PDK1: variants seen among roughly 807,000 people sequenced by gnomAD.
The protein encoded by PDK1 is [Pyruvate dehydrogenase (acetyl-transferring)] kinase isozyme 1, mitochondrial.
PDK1 carries 39 observed loss-of-function variants against 54.2 expected under a neutral mutation model. That is an observed-to-expected ratio of 0.72 (90% CI 0.56 to 0.94). The LOEUF (loss-of-function observed/expected upper bound fraction) is 0.94. PDK1 is among the 40% of genes least tolerant of loss of function. The pLI, the probability that PDK1 is intolerant of heterozygous loss-of-function variation, is 0.00. For missense variants in PDK1, 552 were observed against 566.0 expected, an observed-to-expected ratio of 0.98 and a Z score of 0.25; for synonymous variants, 221 against 207.1, an observed-to-expected ratio of 1.07 and a Z score of -0.58.
At chr2:172,653,595 C>A in the PDK1 span, among the ~76,000 whole-genome samples, 1 of 137,992 alleles carries the variant, frequency 7.2e-6, no homozygotes, top group Non-Finnish European at 1.5e-5. Context: ...AAGAGCGAGA[C>A]TCCATCTCAA....
chr2:172,720,973 A>C, the PDK1 span, among the ~76,000 whole-genome samples: 4 of 152,156 alleles, frequency 2.6e-5, no homozygotes, highest in African/African-American at 9.7e-5. Flanking sequence ...GAAATCTGTG[A>C]AGACGATCTT....
the PDK1 span, among the ~76,000 whole-genome samples, chr2:172,693,122 C>A: frequency 6.6e-6 from 1 of 152,228 alleles, no homozygotes; most frequent in Non-Finnish European, 1.5e-5. Flanking sequence ...TCCCTTGCAC[C>A]AAGTTCTGCT....
chr2:172,650,386 C>A, the PDK1 span, among the ~76,000 whole-genome samples: 2 of 152,162 alleles, frequency 1.3e-5, no homozygotes, highest in East Asian at 3.8e-4. Context: ...AACATGCCAA[C>A]TTGTAAAGAC....
chr2:172,562,554 G>C (rs1225097335), intron 3 of PDK1, among the ~76,000 whole-genome samples: 2 of 152,214 alleles, frequency 1.3e-5, no homozygotes, highest in African/African-American at 4.8e-5. Context: ...TGTTCACCTG[G>C]AGGGTGCATG....
At chr2:172,680,129 C>T in the PDK1 span, among the ~76,000 whole-genome samples, 1 of 152,168 alleles carries the variant, frequency 6.6e-6, no homozygotes, top group Admixed American at 6.5e-5. Flanking sequence ...ATACCAAATT[C>T]CAGCCAGGTG....
the PDK1 span, among the ~76,000 whole-genome samples, chr2:172,635,273 T>G: frequency 4.1e-4 from 63 of 152,322 alleles, no homozygotes; most frequent in South Asian, 0.013. Flanking sequence ...GATTCTGTAT[T>G]TGTCTGGCAT....
the PDK1 span, among the ~76,000 whole-genome samples, chr2:172,641,015 TTTCTTTTC>T: frequency 3.3e-4 from 3 of 9,042 alleles, no homozygotes; most frequent in Non-Finnish European, 5.4e-3. Flanking sequence ...TCTTTCTTTC[TTTCTTTTC>T]TTTTTCTTTC....
downstream of PDK1, among the ~76,000 whole-genome samples, chr2:172,610,906 C>A (rs774800573): frequency 7.2e-5 from 11 of 152,216 alleles, no homozygotes; most frequent in Non-Finnish European, 1.6e-4. Flanking sequence ...GCCACTGCAC[C>A]CAGCCTCTAT....
rs139726830 is a variant in PDK1, at chr2:172,558,562, A to G, written c.197-146A>G. 1,240 of 660,444 alleles carry G rather than the reference A, an allele frequency of 1.9e-3. 11 individuals are homozygous for G. The highest frequency in any genetic ancestry group is 0.017 in the African/African-American group (909 of 54,368). The allele number at this position is 660,444 out of a possible 1,614,324, so 40.9% of individuals were successfully genotyped here. On this transcript the variant is annotated intron_variant, in intron 1 of 10. Transcript: ENST00000282077. The stretch of plus-strand genomic sequence containing the variant: ...TCCCTCGCCTCCCACAGGCAGGTGT[A>G]TCTTTGCCTCCTATTCCCTGCCCCA...
chr2:172,680,867 T>G, the PDK1 span, among the ~76,000 whole-genome samples: 1 of 152,214 alleles, frequency 6.6e-6, no homozygotes, highest in African/African-American at 2.4e-5. Context: ...ACAGAGGGCC[T>G]GGGCCAATTA....
At chr2:172,568,681 C>A in intron 6 of PDK1, 60 bp from the exon 7 acceptor site, 1 of 1,034,810 alleles carries the variant, frequency 9.7e-7, no homozygotes, top group South Asian at 1.3e-5. Context: ...ACAGTTTATT[C>A]TTAAAAATGC....
the PDK1 span, among the ~76,000 whole-genome samples, chr2:172,618,742 G>T: frequency 6.6e-6 from 1 of 152,242 alleles, no homozygotes; most frequent in Non-Finnish European, 1.5e-5. Context: ...GCTGGAAGGA[G>T]TTGGGGCAGG....
At chr2:172,700,931 G>A in the PDK1 span, among the ~76,000 whole-genome samples, 2 of 152,172 alleles carry the variant, frequency 1.3e-5, no homozygotes, top group South Asian at 2.1e-4. Flanking sequence ...CAGGGAGGTT[G>A]CAGTGAGTCC....
At chr2:172,558,125 T>TG (rs955826684) in intron 1 of PDK1, 5 of 152,342 alleles carry the variant, frequency 3.3e-5, no homozygotes, top group African/African-American at 4.8e-5. Flanking sequence ...CCACTGTGCC[T>TG]GGCCTCCTGT....
the PDK1 span, among the ~76,000 whole-genome samples, chr2:172,704,104 A>C: frequency 6.6e-6 from 1 of 152,076 alleles, no homozygotes; most frequent in African/African-American, 2.4e-5. Flanking sequence ...CTTTCATTTC[A>C]TTTAACAAAG....
the PDK1 span, among the ~76,000 whole-genome samples, chr2:172,699,237 G>T: frequency 2.1e-3 from 317 of 152,240 alleles, 4 homozygotes; most frequent in Middle Eastern, 6.8e-3. Flanking sequence ...TTCTATGAGA[G>T]AATAAAAATT....
At chr2:172,662,441 T>C in the PDK1 span, among the ~76,000 whole-genome samples, 1 of 152,000 alleles carries the variant, frequency 6.6e-6, no homozygotes, top group African/African-American at 2.4e-5. Flanking sequence ...TGCATATACG[T>C]ATTTTTAAAC....
At chr2:172,697,474 G>A in the PDK1 span, among the ~76,000 whole-genome samples, 60 of 152,180 alleles carry the variant, frequency 3.9e-4, no homozygotes, top group African/African-American at 1.4e-3. Flanking sequence ...GTATACCACT[G>A]GCCATATTAA....
chr2:172,581,911 T>C (rs1689932631), intron 8 of PDK1, among the ~76,000 whole-genome samples: 1 of 152,074 alleles, frequency 6.6e-6, no homozygotes, highest in Non-Finnish European at 1.5e-5. Flanking sequence ...GTCTTTTTTT[T>C]GTGTGTGTGT....
Sources: allele counts gnomAD v4.1 joint callset (sites outside exome capture counted in the v4.1 genomes callset), GRCh38; gene constraint gnomAD v4.1.1; transcripts MANE v1.5; gene names NCBI Gene and HGNC (gene_info 2026-07-23, HGNC 2026-07-21).